Variants in DLGAP2 observed in about 807,000 individuals in gnomAD.
The protein encoded by DLGAP2 is disks large-associated protein 2.
DLGAP2 carries 26 observed loss-of-function variants against 100.3 expected under a neutral mutation model. The ratio of observed to expected loss-of-function variants is 0.26; its 90% CI spans 0.19 to 0.36. The LOEUF (loss-of-function observed/expected upper bound fraction) is 0.36, where lower values mean the gene tolerates loss of function less well. Ranked by LOEUF, DLGAP2 falls within the 10% of genes least tolerant of loss-of-function variation. The pLI is 1.00. For synonymous variants in DLGAP2, 886 were observed against 630.1 expected, an observed-to-expected ratio of 1.41 and a Z score of -6.08; for missense variants, 1,858 against 1,453.2, an observed-to-expected ratio of 1.28 and a Z score of -4.53.
chr8:1,682,437 C>G (rs1466112747), intron 12 of DLGAP2, among the ~76,000 whole-genome samples: 1 of 151,914 alleles, frequency 6.6e-6, no homozygotes, highest in Non-Finnish European at 1.5e-5. Flanking sequence ...CGTATAGGGA[C>G]CCAAATCAAC....
At chr8:1,044,737 C>G (rs1802469751) in intron 2 of DLGAP2, among the ~76,000 whole-genome samples, 1 of 152,200 alleles carries the variant, frequency 6.6e-6, no homozygotes, top group Non-Finnish European at 1.5e-5. Context: ...ATTTCAGCTC[C>G]CTGTGTCTGT....
intron 2 of DLGAP2, chr8:1,003,000 C>G (rs752517120): frequency 6.6e-6 from 1 of 152,276 alleles, no homozygotes; most frequent in Admixed American, 6.5e-5. Flanking sequence ...GCTCAAGTCC[C>G]TGTTCCCTTG....
chr8:1,651,420 A>T (rs1215804041), intron 8 of DLGAP2, among the ~76,000 whole-genome samples: 1 of 152,170 alleles, frequency 6.6e-6, no homozygotes, highest in African/African-American at 2.4e-5. Context: ...GCTGCTGGTG[A>T]GGGATCCAGC....
At chr8:1,249,355 A>C (rs953954704) in intron 2 of DLGAP2, among the ~76,000 whole-genome samples, 3 of 152,162 alleles carry the variant, frequency 2.0e-5, no homozygotes, top group Non-Finnish European at 4.4e-5. Context: ...AGTGGAGTGC[A>C]CTGTCACTGT....
chr8:855,063 G>C (rs551043910), intron 1 of DLGAP2, among the ~76,000 whole-genome samples: 32 of 152,280 alleles, frequency 2.1e-4, no homozygotes, highest in Middle Eastern at 3.4e-3. Flanking sequence ...GGCGCTTGCC[G>C]AGTGGTGGGG....
intron 3 of DLGAP2, among the ~76,000 whole-genome samples, chr8:1,390,316 C>T (rs1281778717): frequency 1.3e-5 from 2 of 152,160 alleles, no homozygotes; most frequent in African/African-American, 4.8e-5. Context: ...GTGCTTGTAT[C>T]TTTACAAACT....
At chr8:1,699,709 G>A (rs755303662) in intron 14 of DLGAP2, among the ~76,000 whole-genome samples, 6 of 152,264 alleles carry the variant, frequency 3.9e-5, no homozygotes, top group Middle Eastern at 3.4e-3. Context: ...CAGAGGCTCC[G>A]TGCCTGAACA....
chr8:1,605,826 T>C (rs1053624720), intron 6 of DLGAP2, among the ~76,000 whole-genome samples: 1 of 152,188 alleles, frequency 6.6e-6, no homozygotes, highest in African/African-American at 2.4e-5. Flanking sequence ...ATCATATAGT[T>C]GTAATAATCC....
chr8:790,831 G>A (rs906948177), intron 1 of DLGAP2, among the ~76,000 whole-genome samples: 3 of 151,942 alleles, frequency 2.0e-5, no homozygotes, highest in Admixed American at 2.0e-4. Flanking sequence ...CTGCAACCTC[G>A]AACTCCTGGG....
chr8:994,211 A>G (rs946519847), intron 2 of DLGAP2, among the ~76,000 whole-genome samples: 1 of 151,934 alleles, frequency 6.6e-6, no homozygotes, highest in Non-Finnish European at 1.5e-5. Flanking sequence ...GTTTTGTTTT[A>G]TTTTTTGAGT....
intron 2 of DLGAP2, among the ~76,000 whole-genome samples, chr8:1,012,531 G>GC (rs1169694708): frequency 3.2e-5 from 4 of 123,632 alleles, no homozygotes; most frequent in Non-Finnish European, 6.9e-5. Flanking sequence ...CGTCCGACCA[G>GC]CCCCCCCACT....
At chr8:1,649,879 T>G (rs1270756862) in intron 8 of DLGAP2, among the ~76,000 whole-genome samples, 1 of 151,984 alleles carries the variant, frequency 6.6e-6, no homozygotes, top group Non-Finnish European at 1.5e-5. Flanking sequence ...AGGAAAGAAA[T>G]AAAGAATGGA....
chr8:921,070 TTGA>T (rs1476025651), intron 2 of DLGAP2, among the ~76,000 whole-genome samples: 1 of 152,230 alleles, frequency 6.6e-6, no homozygotes, highest in Non-Finnish European at 1.5e-5. Context: ...ACTTCGCAAC[TTGA>T]TGCAGATTTA....
chr8:926,418 A>C (rs891126358), intron 2 of DLGAP2, among the ~76,000 whole-genome samples: 1 of 152,124 alleles, frequency 6.6e-6, no homozygotes, highest in African/African-American at 2.4e-5. Context: ...CCCTGCCTCC[A>C]GGTCGGGGGT....
At chr8:1,023,126 C>T (rs568122344) in intron 2 of DLGAP2, among the ~76,000 whole-genome samples, 13 of 152,234 alleles carry the variant, frequency 8.5e-5, no homozygotes, top group East Asian at 5.8e-4. Context: ...GGCGTGATGC[C>T]GATTTTCAAA....
chr8:828,325 G>T (rs192616663), intron 1 of DLGAP2, among the ~76,000 whole-genome samples: 1 of 150,226 alleles, frequency 6.7e-6, no homozygotes, highest in African/African-American at 2.5e-5. Flanking sequence ...GGTACGCCCC[G>T]GGGGGGCCAG....
At chr8:1,222,266 ATTCTTTGAT>A (rs1227491824) in intron 2 of DLGAP2, among the ~76,000 whole-genome samples, 1 of 152,108 alleles carries the variant, frequency 6.6e-6, no homozygotes, top group East Asian at 1.9e-4. Context: ...TTGATTTTAT[ATTCTTTGAT>A]GCCCTTGCGA....
chr8:911,434 G>A (rs894461966), intron 2 of DLGAP2, among the ~76,000 whole-genome samples: 2 of 152,116 alleles, frequency 1.3e-5, no homozygotes, highest in African/African-American at 2.4e-5. Context: ...TTGGAAGGAT[G>A]GTTGTATAAT....
intron 4 of DLGAP2, among the ~76,000 whole-genome samples, chr8:1,512,275 C>A (rs772202782): frequency 2.0e-5 from 3 of 152,228 alleles, no homozygotes; most frequent in Non-Finnish European, 2.9e-5. Context: ...GTCCCATAAA[C>A]TTAAAAATAA....
Sources: allele counts gnomAD v4.1 joint callset (sites outside exome capture counted in the v4.1 genomes callset), GRCh38; gene constraint gnomAD v4.1.1; transcripts MANE v1.5; gene names NCBI Gene and HGNC (gene_info 2026-07-23, HGNC 2026-07-21).